The following NALF1 variants were observed in gnomAD, a reference collection of about 807,000 sequenced individuals.
NALF1 encodes the protein family with sequence similarity 155 member A.
In NALF1, 3 loss-of-function variants were observed where a neutral mutation model predicts 48.4. The ratio of observed to expected loss-of-function variants is 0.06; its 90% CI spans 0.03 to 0.16. The LOEUF (loss-of-function observed/expected upper bound fraction) is 0.16. Ranked by LOEUF, NALF1 falls within the 10% of genes least tolerant of loss-of-function variation. The pLI is 1.00. For synonymous variants in NALF1, 262 were observed against 245.7 expected (o/e 1.07, Z -0.62); for missense variants, 526 against 571.5 (o/e 0.92, Z 0.81).
chr13:107,739,795 A>G (rs1212335545), intron 1 of NALF1, among the ~76,000 whole-genome samples: 7 of 152,162 alleles, frequency 4.6e-5, no homozygotes, highest in Non-Finnish European at 7.3e-5. Flanking sequence ...TTACCGCCTG[A>G]GCTCTGCATC....
At chr13:107,831,135 C>G (rs758679265) in intron 1 of NALF1, among the ~76,000 whole-genome samples, 5 of 152,172 alleles carry the variant, frequency 3.3e-5, no homozygotes, top group Non-Finnish European at 7.3e-5. Flanking sequence ...TTTTCCTACT[C>G]TGAATAAGAA....
chr13:107,260,727 T>C (rs1048810978), intron 1 of NALF1, among the ~76,000 whole-genome samples: 5 of 152,224 alleles, frequency 3.3e-5, no homozygotes, highest in African/African-American at 1.2e-4. Flanking sequence ...TGGACAACCA[T>C]GATTTTCTGA....
chr13:107,592,753 T>C (rs1433216945), intron 1 of NALF1, among the ~76,000 whole-genome samples: 1 of 151,896 alleles, frequency 6.6e-6, no homozygotes, highest in African/African-American at 2.4e-5. Context: ...AGATCATTCA[T>C]ACATTTTAGA....
chr13:107,192,918 G>A (rs781754060), intron 2 of NALF1, among the ~76,000 whole-genome samples: 124 of 152,122 alleles, frequency 8.2e-4, no homozygotes, highest in Non-Finnish European at 1.5e-3. Flanking sequence ...GAAATCAATA[G>A]TAAGTACATG....
intron 1 of NALF1, among the ~76,000 whole-genome samples, chr13:107,539,833 A>C (rs1284040287): frequency 6.6e-6 from 1 of 152,116 alleles, no homozygotes; most frequent in Non-Finnish European, 1.5e-5. Flanking sequence ...ACTCAAACTC[A>C]GTTCTATGAC....
At chr13:107,222,785 T>A (rs1321936685) in intron 1 of NALF1, among the ~76,000 whole-genome samples, 1 of 152,186 alleles carries the variant, frequency 6.6e-6, no homozygotes, top group Non-Finnish European at 1.5e-5. Context: ...TAGGCAGCAG[T>A]GAACTCTCCG....
chr13:107,447,938 A>C (rs977134871), intron 1 of NALF1, among the ~76,000 whole-genome samples: 25 of 152,178 alleles, frequency 1.6e-4, no homozygotes, highest in African/African-American at 6.0e-4. Flanking sequence ...CTGAAGTCAG[A>C]AACATTTAAA....
chr13:107,785,112 ATGTATATATATATTCATATATATGTGTG>A (rs772053589), intron 1 of NALF1, among the ~76,000 whole-genome samples: 21 of 151,836 alleles, frequency 1.4e-4, no homozygotes, highest in Non-Finnish European at 2.5e-4. Context: ...ATGTATGTAT[ATGTATATATATATTCATATATATGTGTG>A]TGTATATATA....
intron 1 of NALF1, among the ~76,000 whole-genome samples, chr13:107,302,830 GCT>G (rs993105231): frequency 6.6e-6 from 1 of 151,940 alleles, no homozygotes; most frequent in Non-Finnish European, 1.5e-5. Flanking sequence ...ACATATGACT[GCT>G]CTCTCTCTCA....
At chr13:107,439,943 C>T (rs1884528925) in intron 1 of NALF1, among the ~76,000 whole-genome samples, 3 of 151,966 alleles carry the variant, frequency 2.0e-5, no homozygotes, top group African/African-American at 7.2e-5. Flanking sequence ...AGGTCATTGA[C>T]CATTTAAGAG....
At chr13:107,427,866 A>C (rs1463398835) in intron 1 of NALF1, among the ~76,000 whole-genome samples, 1 of 152,220 alleles carries the variant, frequency 6.6e-6, no homozygotes, top group East Asian at 1.9e-4. Context: ...AAAAAGATAA[A>C]AGCTACCTCT....
At chr13:107,180,425 C>G (rs1879037392) in intron 2 of NALF1, among the ~76,000 whole-genome samples, 1 of 151,900 alleles carries the variant, frequency 6.6e-6, no homozygotes, top group South Asian at 2.1e-4. Context: ...CGATCTTTAT[C>G]TCAGTAATTT....
At chr13:107,837,523 A>C (rs1199824218) in intron 1 of NALF1, among the ~76,000 whole-genome samples, 1 of 152,080 alleles carries the variant, frequency 6.6e-6, no homozygotes, top group Admixed American at 6.5e-5. Flanking sequence ...TGTTACATGG[A>C]TTTGGGGTGA....
intron 1 of NALF1, among the ~76,000 whole-genome samples, chr13:107,387,075 A>G (rs2138979451): frequency 6.6e-6 from 1 of 152,338 alleles, no homozygotes; most frequent in East Asian, 1.9e-4. Context: ...GCTGCTTCAA[A>G]TAAAGACGAC....
At chr13:107,278,740 C>T (rs546511179) in intron 1 of NALF1, among the ~76,000 whole-genome samples, 2 of 152,192 alleles carry the variant, frequency 1.3e-5, no homozygotes, top group African/African-American at 2.4e-5. Flanking sequence ...TAGTAAGCTA[C>T]AAACATGTAA....
intron 1 of NALF1, among the ~76,000 whole-genome samples, chr13:107,274,373 T>A (rs1315669051): frequency 6.6e-6 from 1 of 151,950 alleles, no homozygotes; most frequent in African/African-American, 2.4e-5. Context: ...GAGTTTAAGA[T>A]CAACCTGGGA....
chr13:107,594,184 A>G (rs1878680098), intron 1 of NALF1, among the ~76,000 whole-genome samples: 1 of 152,012 alleles, frequency 6.6e-6, no homozygotes, highest in South Asian at 2.1e-4. Flanking sequence ...CATAATCTCC[A>G]AATCCCAAGT....
At chr13:107,215,506 A>AT (rs34393569) in intron 1 of NALF1, among the ~76,000 whole-genome samples, 76 of 149,814 alleles carry the variant, frequency 5.1e-4, no homozygotes, top group East Asian at 3.4e-3. Flanking sequence ...CTTAATGAAG[A>AT]TTTTTTTTTT....
At chr13:107,864,086 T>C (rs56366064) in intron 1 of NALF1, among the ~76,000 whole-genome samples, 33,242 of 152,144 alleles carry the variant, frequency 0.22, 3,890 homozygotes, top group East Asian at 0.48. Context: ...ATGCAACATA[T>C]CTTGTCAAAA....
Sources: gnomAD v4.1 joint callset for allele counts (sites outside exome capture counted in the v4.1 genomes callset) on GRCh38, gnomAD v4.1.1 for gene constraint, MANE v1.5 for transcripts, NCBI Gene and HGNC (gene_info 2026-07-23, HGNC 2026-07-21) for gene names.